The following TTN variants were observed in gnomAD, a reference collection of about 807,000 sequenced individuals.
TTN encodes titin, also known as connectin.
Under a neutral mutation model 3,223.0 loss-of-function variants are expected in TTN, and 1,525 were observed. The observed-to-expected ratio is 0.47, with a 90% CI of 0.45 to 0.49. The LOEUF (loss-of-function observed/expected upper bound fraction) is 0.49, where lower values mean the gene tolerates loss of function less well. TTN is among the 20% of genes least tolerant of loss of function. The pLI is 0.00. For missense variants in TTN, 40,786 were observed against 43,424.0 expected, an observed-to-expected ratio of 0.94 and a Z score of 5.40; for synonymous variants, 14,094 against 15,161.0, an observed-to-expected ratio of 0.93 and a Z score of 5.17.
rs1690569835 is a variant in TTN, at chr2:178,534,489, A to T, written c.102126T>A (p.Ile34042=). 1.2e-6 allele frequency: 2 copies of T among 1,613,600 alleles called. No homozygotes were observed. The highest frequency in any genetic ancestry group is 2.2e-5 in the South Asian group (2 of 91,086). ...CAACAAAATCCATGGCTTCAATGCT[A>T]ATCTCTTTGAATGCTTCCTCATCGA... ...YTFDEEAFKE[I]SIEAMDFVDR... The change falls in exon 358 of 363, where the codon ATT becomes ATA. Residue 34042 remains isoleucine, a synonymous_variant. Transcript: ENST00000589042.
chr2:178,716,996 T>C, intron 88 of TTN, 99 bp downstream of exon 88: 1 of 1,348,594 alleles, frequency 7.4e-7, no homozygotes, highest in African/African-American at 1.5e-5. Flanking sequence ...CACTAGACCC[T>C]GGTCCTAAAC....
rs1435211631 is a variant in TTN at position 178,757,573 on chromosome 2, AG to A, written c.10646del (p.Thr3549IlefsTer8). 1.9e-6 allele frequency: 3 copies of A among 1,595,614 alleles called. No individual in the cohort carries two copies. The highest frequency in any genetic ancestry group is 2.6e-6 in the Non-Finnish European group (3 of 1,168,370). ...CKAANSAGEA[T>X]CAATLTVTPK... ...GAGTCACTGTGAGTGTAGCTGCACA[AG>A]TGGCTTCCCCAGCACTATTGGCTGC... On this transcript the variant is annotated frameshift_variant, in exon 45 of 363. Coordinates refer to ENST00000589042, the MANE Select transcript of TTN (RefSeq NM_001267550.2). LOFTEE classifies it high-confidence loss of function.
At chr2:178,604,657 C>A (rs2054349412) in intron 281 of TTN, 51 bp downstream of exon 281, 4 of 1,508,978 alleles carry the variant, frequency 2.7e-6, no homozygotes, top group South Asian at 1.3e-5. Flanking sequence ...TGGCATCAAA[C>A]CAGAGTCATG....
Position 178,784,341 on chromosome 2 carries a change from G to T in TTN, c.2504C>A (p.Ala835Asp), listed in dbSNP as rs200572298. Residue 835 changes from alanine (A) to aspartate (D), a missense_variant, in exon 16 of 363, where the codon GCC becomes GAC. Coordinates refer to ENST00000589042, the MANE Select transcript of TTN (RefSeq NM_001267550.2). Reference protein sequence around the residue: ...KTEHGYEASIAGSAIATLQKE... With the variant: ...KTEHGYEASIDGSAIATLQKE... ...TTGTAATGTGGCAATAGCACTACCG[G>T]CTATTGATGCCTACATGGAAACAGA... The T allele has an allele frequency of 2.3e-5, 37 of 1,613,892 alleles. No homozygotes were observed. The highest frequency in any genetic ancestry group is 1.7e-5 in the Admixed American group (1 of 59,990).
At chr2:178,759,490 T>C (rs1160105835) in intron 43 of TTN, among the ~76,000 whole-genome samples, 1 of 152,216 alleles carries the variant, frequency 6.6e-6, no homozygotes, top group Non-Finnish European at 1.5e-5. Flanking sequence ...GATTTTGACA[T>C]ATTCAGTGAC....
At position 178,770,523 on chromosome 2, in the gene TTN, C is replaced by T. The variant is rs769822096; in HGVS notation, c.8269G>A (p.Val2757Ile). Residue 2757 changes from valine to isoleucine, a missense_variant, in exon 35 of 363, where the codon GTC (valine) becomes ATC (isoleucine). Transcript: ENST00000589042. Reference protein sequence around the residue: ...LESNEKYAISVKGTIYSLRIK... With the variant: ...LESNEKYAISIKGTIYSLRIK... ...CTCAGAGAGTAAATTGTTCCTTTGA[C>T]AGAGATAGCATACTTTTCATTGGAT... 2.2e-5 allele frequency: 35 copies of T among 1,613,994 alleles called. No homozygotes were observed. The highest frequency in any genetic ancestry group is 2.9e-5 in the Non-Finnish European group (34 of 1,180,008).
In TTN at chr2:178,712,657, A is replaced by G. The variant is rs1209331535; in HGVS notation, c.27328+40T>C. 4.4e-6 allele frequency: 7 copies of G among 1,606,856 alleles called. No homozygotes were observed. The South Asian group carries it at 7.7e-5, about 18-fold the overall frequency. On this transcript the variant is annotated intron_variant, in intron 94 of 362. Coordinates refer to ENST00000589042, the MANE Select transcript of TTN (RefSeq NM_001267550.2). ...ATACATACAGACAAAGACACATCTA[A>G]TTACTAATCGTATAAATCTAGAAGA... is the stretch of plus-strand genomic sequence containing the variant.
intron 11 of TTN, 39 bp downstream of exon 11, chr2:178,790,669 G>A: frequency 6.2e-7 from 1 of 1,613,680 alleles, no homozygotes; most frequent in Admixed American, 1.7e-5. Flanking sequence ...CAAATGAAAT[G>A]GTGCAAGAGT....
intron 135 of TTN, among the ~76,000 whole-genome samples, chr2:178,682,018 A>G (rs1181569184): frequency 1.3e-5 from 2 of 151,930 alleles, no homozygotes; most frequent in Non-Finnish European, 2.9e-5. Flanking sequence ...GTTTTTTTAA[A>G]GCTATCAGTA....
intron 212 of TTN, 100 bp from the exon 213 acceptor site, chr2:178,649,431 T>C (rs1419701772): frequency 1.2e-5 from 16 of 1,353,486 alleles, no homozygotes; most frequent in Non-Finnish European, 1.6e-5. Context: ...TTAAAATTAA[T>C]GAAAGCAAAA....
At position 178,589,661 on chromosome 2, in the gene TTN, C is replaced by T; in HGVS notation, c.62064G>A (p.Lys20688=). ...ADKGKTFVYL[K]WRRPDYDGGS... ...CACCATCATAGTCAGGCCTCCGCCA[C>T]TTTAGATAGACAAATGTCTTTCCTT... Residue 20688 remains lysine, a synonymous_variant, in exon 304 of 363, where the codon AAG becomes AAA. Coordinates refer to ENST00000589042, the MANE Select transcript of TTN (RefSeq NM_001267550.2). The T allele has an allele frequency of 6.2e-7, 1 of 1,613,522 alleles. No individual in the cohort carries two copies. The highest frequency in any genetic ancestry group is 8.5e-7 in the Non-Finnish European group (1 of 1,179,604).
At position 178,536,548 on chromosome 2, in the gene TTN, G is replaced by A. The variant is rs1034663911; in HGVS notation, c.100199C>T (p.Thr33400Ile). The A allele has an allele frequency of 6.6e-7, 1 of 1,508,018 alleles. No individual in the cohort carries two copies. The allele number at this position is 1,508,018 out of a possible 1,614,324, so 93.4% of individuals were successfully genotyped here. ...AGAATCTTTTGTGACAGCAGTAATA[G>A]TTGGTTTGCCAGGAGCACCTGGCTT... ...FEKPGAPGKP[T>I]ITAVTKDSCV... Residue 33400 changes from threonine to isoleucine, a missense_variant, in exon 357 of 363, where the codon ACT (threonine) becomes ATT (isoleucine). By Grantham distance (89) the Thr-to-Ile change is moderately conservative. Coordinates refer to ENST00000589042, the MANE Select transcript of TTN (RefSeq NM_001267550.2).
At chr2:178,707,850 G>T (rs1429923967) in intron 99 of TTN, 37 bp from the exon 100 acceptor site, 4 of 1,529,966 alleles carry the variant, frequency 2.6e-6, no homozygotes, top group Non-Finnish European at 3.5e-6. Flanking sequence ...GGAACATAAA[G>T]GCAAAAAAGT....
chr2:178,612,004 A>G, intron 267 of TTN, 50 bp from the exon 268 acceptor site: 4 of 1,604,096 alleles, frequency 2.5e-6, no homozygotes, highest in Non-Finnish European at 3.4e-6. Context: ...AAACACAGTT[A>G]AGAATTTGCA....
Position 178,597,577 on chromosome 2 carries a change from C to A in TTN, c.57505G>T (p.Ala19169Ser). ...ATAATTGTCTTCTTTCTTTCTCCGG[C>A]TTCATTTTTGGCAAGAAGAGAATAG... ...GVYSLLAKNE[A>S]GERKKTIIVD... The change falls in exon 294 of 363, where the codon GCC becomes TCC. Residue 19169 changes from alanine to serine, a missense_variant. Ala to Ser is a moderately conservative substitution (Grantham distance 99). Coordinates refer to ENST00000589042, the MANE Select transcript of TTN (RefSeq NM_001267550.2). 6.2e-7 allele frequency: 1 copy of A among 1,612,718 alleles called. No homozygotes were observed. Among genetic ancestry groups the A allele is most frequent in the Non-Finnish European group, 8.5e-7 (1 of 1,179,428 alleles).
Position 178,570,046 on chromosome 2 carries a change from C to A in TTN, c.76086G>T (p.Leu25362Phe). 1 of 1,613,386 alleles carries A rather than the reference C, an allele frequency of 6.2e-7. No homozygotes were observed. Among genetic ancestry groups the A allele is most frequent in the South Asian group, 1.1e-5 (1 of 91,066 alleles). ...CTATGAGTCCAGTTACTCTCAGGCGCAACTCTCCAATCAGACGCTTATGGC... is the reference window on the plus strand; with the variant it reads ...CTATGAGTCCAGTTACTCTCAGGCGAAACTCTCCAATCAGACGCTTATGGC... ...TRCHKRLIGE[L>F]RLRVTGLIEN... Residue 25362 changes from leucine to phenylalanine, a missense_variant, in exon 326 of 363, where the codon TTG becomes TTT. Coordinates refer to ENST00000589042, the MANE Select transcript of TTN (RefSeq NM_001267550.2).
rs749204661 is a variant in TTN at position 178,568,019 on chromosome 2, G to C, written c.78113C>G (p.Thr26038Arg). ...ERKERNSILWTKVNKTIIHDT... is the reference protein window; with the variant it reads ...ERKERNSILWRKVNKTIIHDT... ...ATGAATAATAGTTTTGTTGACCTTT[G>C]TCCACAAAATACTGTTTCTTTCTTT... The change falls in exon 326 of 363, where the codon ACA (threonine) becomes AGA (arginine). Residue 26038 changes from threonine (T) to arginine (R), a missense_variant. Transcript: ENST00000589042. The C allele has an allele frequency of 2.3e-5, 37 of 1,613,182 alleles. No individual in the cohort carries two copies. The South Asian group carries it at 4.1e-4, about 18-fold the overall frequency.
chr2:178,651,738 G>A lies in TTN; in HGVS notation c.39391C>T (p.Pro13131Ser), dbSNP rs1177690576. The A allele has an allele frequency of 1.9e-6, 3 of 1,613,096 alleles. No homozygotes were observed. Among genetic ancestry groups the A allele is most frequent in the African/African-American group, 1.3e-5 (1 of 74,844 alleles). ...PAAPPQVTVP[P>S]KKPVPEKKAP... The stretch of plus-strand genomic sequence containing the variant: ...TTCTTTTCTGGGACAGGTTTCTTAG[G>A]TGGTACGGTCACTAAAGAATTAGAA... The change falls in exon 206 of 363, where the codon CCT (proline) becomes TCT (serine). Residue 13131 changes from proline (P) to serine (S), a missense_variant. Coordinates refer to ENST00000589042, the MANE Select transcript of TTN (RefSeq NM_001267550.2).
Position 178,732,078 on chromosome 2 carries a change from C to T in TTN, c.16891G>A (p.Val5631Ile), listed in dbSNP as rs778807865. Reference sequence around the variant, plus strand: ...AGTGAACACAAACCTTTGACTATTACAATGCTACTGCAGTGGTCACTGCCA... The same window carrying T: ...AGTGAACACAAACCTTTGACTATTATAATGCTACTGCAGTGGTCACTGCCA... ...EAGSDHCSSI[V>I]IVKESPYFTK... The change falls in exon 57 of 363, where the codon GTA becomes ATA. Residue 5631 changes from valine (V) to isoleucine (I), a missense_variant. Physicochemically the swap from Val to Ile is conservative, Grantham distance 29 (BLOSUM62 3). Coordinates refer to ENST00000589042, the MANE Select transcript of TTN (RefSeq NM_001267550.2). 7.5e-6 allele frequency: 12 copies of T among 1,604,868 alleles called. No homozygotes were observed. The highest frequency in any genetic ancestry group is 1.7e-5 in the Admixed American group (1 of 59,636).
Sources: allele counts gnomAD v4.1 joint callset (sites outside exome capture counted in the v4.1 genomes callset), GRCh38; gene constraint gnomAD v4.1.1; transcripts MANE v1.5; gene names NCBI Gene and HGNC (gene_info 2026-07-23, HGNC 2026-07-21).